Variants in ADAM20 observed in about 807,000 individuals in gnomAD.
ADAM20 encodes ADAM metallopeptidase domain 20, also known as disintegrin and metalloproteinase domain-containing protein 20.
For synonymous variants in ADAM20, 305 were observed against 310.2 expected, an observed-to-expected ratio of 0.98 and a Z score of 0.18; for missense variants, 871 against 883.2, an observed-to-expected ratio of 0.99 and a Z score of 0.18.
chr14:70,524,416 A>T lies in ADAM20; in HGVS notation c.342T>A (p.Tyr114Ter), dbSNP rs952658132. The T allele has an allele frequency of 6.2e-7, 1 of 1,614,008 alleles. No individual in the cohort carries two copies. The highest frequency in any genetic ancestry group is 8.5e-7 in the Non-Finnish European group (1 of 1,179,928). ...FIQDDCYYHG[Y>*]VEGVPESLVA... ...CCAAGGACTCAGGGACCCCCTCCAC[A>T]TAACCATGGTAGTAGCAGTCATCCT... The change falls in exon 2 of 2, where the codon TAT becomes TAA. Residue 114 changes from tyrosine (Y) to a stop codon, truncating the protein, a stop_gained. Transcript: ENST00000256389. LOFTEE classifies it low-confidence loss of function (END_TRUNC).
chr14:70,536,859 C>T (rs532126114), upstream of ADAM20, among the ~76,000 whole-genome samples: 1 of 151,274 alleles, frequency 6.6e-6, no homozygotes, highest in Admixed American at 6.6e-5. Flanking sequence ...TTCTCCCCCA[C>T]ACAGAAACAT....
At chr14:70,545,905 G>A in the ADAM20 span, among the ~76,000 whole-genome samples, 1 of 152,178 alleles carries the variant, frequency 6.6e-6, no homozygotes, top group African/African-American at 2.4e-5. Context: ...AATGGCTACA[G>A]AATATACCTT....
upstream of ADAM20, among the ~76,000 whole-genome samples, chr14:70,536,299 C>T (rs1006803314): frequency 2.6e-5 from 4 of 151,502 alleles, no homozygotes; most frequent in African/African-American, 9.7e-5. Flanking sequence ...AACCTTGTCT[C>T]TATTAAAAAT....
chr14:70,531,168 T>A (rs1476975768), intron 1 of ADAM20, among the ~76,000 whole-genome samples: 1 of 151,780 alleles, frequency 6.6e-6, no homozygotes, highest in Non-Finnish European at 1.5e-5. Context: ...AATAAAAAGG[T>A]CTAAAAGAAA....
chr14:70,530,160 T>C (rs1255631303), intron 1 of ADAM20, among the ~76,000 whole-genome samples: 3 of 152,176 alleles, frequency 2.0e-5, no homozygotes, highest in Admixed American at 6.5e-5. Flanking sequence ...ATAAGCTTTT[T>C]CTATTTTTAA....
the ADAM20 span, among the ~76,000 whole-genome samples, chr14:70,564,167 A>G: frequency 6.6e-6 from 1 of 152,250 alleles, no homozygotes; most frequent in South Asian, 2.1e-4. Flanking sequence ...ACTAGGAGCA[A>G]AACAGAGGGG....
upstream of ADAM20, among the ~76,000 whole-genome samples, chr14:70,535,971 C>A (rs75315650): frequency 9.3e-3 from 1,412 of 152,242 alleles, 26 homozygotes; most frequent in African/African-American, 0.032. Context: ...TAAAACGCTT[C>A]ATTCAGTAAC....
chr14:70,527,919 C>A (rs1016041756), intron 1 of ADAM20, among the ~76,000 whole-genome samples: 1 of 152,190 alleles, frequency 6.6e-6, no homozygotes, highest in Admixed American at 6.5e-5. Context: ...ATCATCTAAA[C>A]CTTTCCTCAT....
At chr14:70,570,916 C>G in the ADAM20 span, among the ~76,000 whole-genome samples, 1 of 152,006 alleles carries the variant, frequency 6.6e-6, no homozygotes, top group Non-Finnish European at 1.5e-5. Context: ...TCATCATGAT[C>G]AAGTGGGCTT....
At chr14:70,563,536 T>C in the ADAM20 span, among the ~76,000 whole-genome samples, 3 of 152,174 alleles carry the variant, frequency 2.0e-5, no homozygotes, top group African/African-American at 7.2e-5. Context: ...GTGATACAGT[T>C]TGGACATTTG....
rs761166677 is a variant in ADAM20, at chr14:70,524,144, T to G, written c.614A>C (p.His205Pro). 1.3e-5 allele frequency: 21 copies of G among 1,613,778 alleles called. No individual in the cohort carries two copies. The highest frequency in any genetic ancestry group is 1.8e-5 in the Non-Finnish European group (21 of 1,179,940). The part of the protein sequence containing the change: ...KQSSFVGWWT[H>P]QRFVELVVVV... ...CACTACCAGCTCAACAAACCGCTGATGGGTCCACCAGCCCACAAAAGAACT... is the reference window on the plus strand; with the variant it reads ...CACTACCAGCTCAACAAACCGCTGAGGGGTCCACCAGCCCACAAAAGAACT... Residue 205 changes from histidine to proline, a missense_variant, in exon 2 of 2, where the codon CAT becomes CCT. Physicochemically the swap from His to Pro is moderately conservative, Grantham distance 77. Transcript: ENST00000256389.
chr14:70,550,700 G>A, the ADAM20 span, among the ~76,000 whole-genome samples: 4 of 37,402 alleles, frequency 1.1e-4, no homozygotes, highest in Non-Finnish European at 1.8e-4. Flanking sequence ...GGACCAGATG[G>A]ATTCACAGCC....
chr14:70,545,435 C>T, the ADAM20 span, among the ~76,000 whole-genome samples: 1 of 152,182 alleles, frequency 6.6e-6, no homozygotes, highest in African/African-American at 2.4e-5. Context: ...CTGACACCTG[C>T]CCAAAGAGGG....
intron 1 of ADAM20, among the ~76,000 whole-genome samples, chr14:70,530,118 TA>T (rs1320119555): frequency 2.0e-5 from 3 of 152,186 alleles, no homozygotes; most frequent in African/African-American, 7.2e-5. Context: ...CTATCTCTAC[TA>T]AAAATACAAA....
chr14:70,547,125 C>T, the ADAM20 span, among the ~76,000 whole-genome samples: 1 of 152,214 alleles, frequency 6.6e-6, no homozygotes, highest in South Asian at 2.1e-4. Flanking sequence ...TAGACACACA[C>T]AACCTACAAG....
chr14:70,545,655 A>C, the ADAM20 span, among the ~76,000 whole-genome samples: 1 of 152,238 alleles, frequency 6.6e-6, no homozygotes, highest in African/African-American at 2.4e-5. Context: ...TCAATTCATC[A>C]AGAGGATATG....
chr14:70,559,822 G>C, the ADAM20 span, among the ~76,000 whole-genome samples: 5 of 128,350 alleles, frequency 3.9e-5, no homozygotes, highest in South Asian at 1.0e-3. Flanking sequence ...GCAGGAGAGA[G>C]GTAAAGATGA....
intron 1 of ADAM20, among the ~76,000 whole-genome samples, chr14:70,530,502 A>G (rs1883688457): frequency 6.6e-6 from 1 of 152,242 alleles, no homozygotes; most frequent in Non-Finnish European, 1.5e-5. Flanking sequence ...TGTACTACAC[A>G]TAATTGCATG....
the ADAM20 span, among the ~76,000 whole-genome samples, chr14:70,577,696 C>T: frequency 2.6e-5 from 4 of 152,304 alleles, no homozygotes; most frequent in South Asian, 6.2e-4. Context: ...GGTATACAGA[C>T]AGACGTATGG....
Sources: allele counts gnomAD v4.1 joint callset (sites outside exome capture counted in the v4.1 genomes callset), GRCh38; gene constraint gnomAD v4.1.1; transcripts MANE v1.5; gene names NCBI Gene and HGNC (gene_info 2026-07-23, HGNC 2026-07-21).